CNTN4: variants seen among roughly 807,000 people sequenced by gnomAD.
The protein encoded by CNTN4 is contactin 4, also known as contactin-4.
CNTN4 carries 77 observed loss-of-function variants against 122.5 expected under a neutral mutation model. The observed-to-expected ratio is 0.63, with a 90% confidence interval of 0.52 to 0.76. The LOEUF (loss-of-function observed/expected upper bound fraction) is 0.76, where lower values mean the gene tolerates loss of function less well. Ranked by LOEUF, CNTN4 falls within the 30% of genes least tolerant of loss-of-function variation. The pLI is 0.00. For missense variants in CNTN4, 1,256 were observed against 1,259.1 expected (o/e 1.00, Z 0.04); for synonymous variants, 512 against 447.0 (o/e 1.15, Z -1.83).
chr3:2,379,531 A>G (rs1327992217), intron 3 of CNTN4, among the ~76,000 whole-genome samples: 3 of 152,314 alleles, frequency 2.0e-5, no homozygotes, highest in East Asian at 1.9e-4. Flanking sequence ...TGTCTTTTTT[A>G]TATAACTGCT....
At chr3:2,317,502 T>G (rs1455000443) in intron 2 of CNTN4, among the ~76,000 whole-genome samples, 1 of 152,168 alleles carries the variant, frequency 6.6e-6, no homozygotes, top group East Asian at 1.9e-4. Context: ...GATTTCGCGC[T>G]CCCTCTCACA....
intron 2 of CNTN4, among the ~76,000 whole-genome samples, chr3:2,257,116 G>A (rs1167798109): frequency 6.6e-6 from 1 of 150,802 alleles, no homozygotes; most frequent in African/African-American, 2.4e-5. Flanking sequence ...ATAGAACAGA[G>A]GCCTCAGAAA....
intron 3 of CNTN4, among the ~76,000 whole-genome samples, chr3:2,369,099 A>G (rs975671927): frequency 6.6e-6 from 1 of 151,790 alleles, no homozygotes; most frequent in Admixed American, 6.6e-5. Context: ...ATTTTTTTCT[A>G]TTTTTAGTAG....
chr3:2,409,802 CTATT>C (rs2047167954), intron 3 of CNTN4, among the ~76,000 whole-genome samples: 2 of 151,992 alleles, frequency 1.3e-5, no homozygotes, highest in South Asian at 2.1e-4. Flanking sequence ...TATGTATACA[CTATT>C]TAAATATGTC....
At chr3:2,715,905 G>C (rs1042448226) in intron 4 of CNTN4, among the ~76,000 whole-genome samples, 3 of 152,102 alleles carry the variant, frequency 2.0e-5, no homozygotes, top group Non-Finnish European at 4.4e-5. Flanking sequence ...TGAATTTTAG[G>C]TGAACACAGT....
chr3:2,566,530 T>C, intron 3 of CNTN4, among the ~76,000 whole-genome samples: 1 of 152,244 alleles, frequency 6.6e-6, no homozygotes, highest in East Asian at 1.9e-4. Context: ...TGGTTCACTA[T>C]TCTATGTGCC....
rs778207008 is a variant in CNTN4 at position 2,270,463 on chromosome 3, T to TATATATATACAC, written c.-144-68709_-144-68708insATACACATATAT. Among the ~76,000 whole-genome samples the TATATATATACAC allele has an allele frequency of 6.3e-3, 962 of 151,938 alleles. 11 individuals are homozygous for TATATATATACAC. Among genetic ancestry groups the TATATATATACAC allele is most frequent in the African/African-American group, 0.022 (917 of 41,386 alleles). On this transcript the variant is annotated intron_variant, in intron 2 of 24. Coordinates refer to ENST00000418658, the MANE Select transcript of CNTN4 (RefSeq NM_175607.3). Reference sequence around the variant, plus strand: ...CAGTTAGAGGCACAGAGGGTATATATATATATGGGATTGCCTTATGTTAAT... The same window carrying TATATATATACAC: ...CAGTTAGAGGCACAGAGGGTATATATATATATATACACATATATGGGATTGCCTTATGTTAAT...
chr3:2,212,893 T>G (rs2038683079), intron 2 of CNTN4, among the ~76,000 whole-genome samples: 1 of 152,188 alleles, frequency 6.6e-6, no homozygotes, highest in Non-Finnish European at 1.5e-5. Flanking sequence ...TGACTGAAAA[T>G]AATATTTCCC....
At chr3:2,267,487 T>C (rs908443856) in intron 2 of CNTN4, among the ~76,000 whole-genome samples, 1 of 152,122 alleles carries the variant, frequency 6.6e-6, no homozygotes, top group Non-Finnish European at 1.5e-5. Flanking sequence ...GAATAGGATA[T>C]TGTTTCACGG....
chr3:2,783,607 C>T (rs2091694572), intron 6 of CNTN4, among the ~76,000 whole-genome samples: 1 of 152,170 alleles, frequency 6.6e-6, no homozygotes, highest in African/African-American at 2.4e-5. Flanking sequence ...AACTTTTTAA[C>T]TTCTAAACTT....
At chr3:2,805,667 T>C (rs1237922602) in intron 6 of CNTN4, among the ~76,000 whole-genome samples, 1 of 151,918 alleles carries the variant, frequency 6.6e-6, no homozygotes, top group Non-Finnish European at 1.5e-5. Flanking sequence ...TTGAAAACAA[T>C]GGGGGCAGTG....
intron 3 of CNTN4, among the ~76,000 whole-genome samples, chr3:2,509,617 C>T (rs1292667278): frequency 6.6e-6 from 1 of 152,034 alleles, no homozygotes; most frequent in Admixed American, 6.6e-5. Flanking sequence ...CATCTTTTAC[C>T]CAATCATGTA....
intron 6 of CNTN4, among the ~76,000 whole-genome samples, chr3:2,789,538 T>C (rs755574633): frequency 5.9e-5 from 9 of 152,230 alleles, no homozygotes; most frequent in Non-Finnish European, 1.2e-4. Flanking sequence ...GTTCAAGTGA[T>C]TCTTCTGCCT....
chr3:2,102,408 T>C (rs1278184019), intron 2 of CNTN4, among the ~76,000 whole-genome samples: 1 of 152,224 alleles, frequency 6.6e-6, no homozygotes, highest in Non-Finnish European at 1.5e-5. Context: ...GGATTAAACA[T>C]GAGAGCATGA....
At chr3:2,860,761 C>A (rs2093663121) in intron 7 of CNTN4, among the ~76,000 whole-genome samples, 1 of 152,044 alleles carries the variant, frequency 6.6e-6, no homozygotes, top group Admixed American at 6.6e-5. Context: ...ATCCAGAGGC[C>A]CCCTCTCTCA....
At chr3:2,195,450 T>C (rs2037789749) in intron 2 of CNTN4, among the ~76,000 whole-genome samples, 1 of 152,238 alleles carries the variant, frequency 6.6e-6, no homozygotes, top group South Asian at 2.1e-4. Context: ...CGGTGGTATA[T>C]ATTCCTGGAT....
intron 2 of CNTN4, among the ~76,000 whole-genome samples, chr3:2,268,902 T>G (rs995832429): frequency 6.6e-6 from 1 of 152,114 alleles, no homozygotes; most frequent in Non-Finnish European, 1.5e-5. Flanking sequence ...TTTCTCCTCC[T>G]TTTTATATAT....
chr3:2,287,664 GA>G (rs1559415393), intron 2 of CNTN4, among the ~76,000 whole-genome samples: 33 of 43,428 alleles, frequency 7.6e-4, no homozygotes, highest in African/African-American at 1.0e-3. Flanking sequence ...AGAAGAAGAA[GA>G]AGAAGAAGAA....
chr3:2,385,024 C>T lies in CNTN4; in HGVS notation c.-89+45791C>T, dbSNP rs2046193094. On this transcript the variant is annotated intron_variant, in intron 3 of 24. Transcript: ENST00000418658. The surrounding 1 kb of genome is among the most constrained non-coding windows in gnomAD (Gnocchi z 4.0). The stretch of plus-strand genomic sequence containing the variant: ...GCCTCCATTCAGATCCTCCTTTTCT[C>T]TCTTGCTTCGCCTCTTACTCTTCCT... Among the ~76,000 whole-genome samples the T allele has an allele frequency of 6.6e-6, 1 of 152,074 alleles. No individual in the cohort carries two copies. The highest frequency in any genetic ancestry group is 2.1e-4 in the South Asian group (1 of 4,828).
Sources: gnomAD v4.1 joint callset for allele counts (sites outside exome capture counted in the v4.1 genomes callset) on GRCh38, gnomAD v4.1.1 for gene constraint, Gnocchi (gnomAD v3.1) non-coding constraint, MANE v1.5 for transcripts, NCBI Gene and HGNC (gene_info 2026-07-23, HGNC 2026-07-21) for gene names.